Variants in CNTN4 observed in about 807,000 individuals in gnomAD.
CNTN4 encodes contactin-4.
Under a neutral mutation model 122.5 loss-of-function variants are expected in CNTN4, and 77 were observed. The ratio of observed to expected loss-of-function variants is 0.63; its 90% CI spans 0.52 to 0.76. The LOEUF is 0.76. Ranked by LOEUF, CNTN4 falls within the 30% of genes least tolerant of loss-of-function variation. CNTN4 has a pLI of 0.00. For synonymous variants in CNTN4, 512 were observed against 447.0 expected (o/e 1.15, Z -1.83); for missense variants, 1,256 against 1,259.1 (o/e 1.00, Z 0.04).
chr3:2,670,555 AG>A (rs199746643), intron 4 of CNTN4, among the ~76,000 whole-genome samples: 25,576 of 152,012 alleles, frequency 0.17, 2,531 homozygotes, highest in Admixed American at 0.32. Context: ...CCAATTTGCC[AG>A]TCTGTGTCTT....
chr3:2,705,852 T>TAA (rs2086684653), intron 4 of CNTN4, among the ~76,000 whole-genome samples: 2 of 92,606 alleles, frequency 2.2e-5, no homozygotes, highest in South Asian at 6.8e-4. Context: ...TAATATATAA[T>TAA]ATATGTGTTT....
At chr3:2,503,861 G>C (rs1166707838) in intron 3 of CNTN4, among the ~76,000 whole-genome samples, 1 of 152,012 alleles carries the variant, frequency 6.6e-6, no homozygotes, top group Non-Finnish European at 1.5e-5. Flanking sequence ...TGGGGGGTTG[G>C]GAGGACTCTG....
chr3:2,840,149 C>G (rs1453588177), intron 7 of CNTN4, among the ~76,000 whole-genome samples: 2 of 152,084 alleles, frequency 1.3e-5, no homozygotes, highest in African/African-American at 2.4e-5. Flanking sequence ...GTCCTTCCAG[C>G]CAGATTCAGC....
chr3:2,647,500 T>C (rs1484857745), intron 4 of CNTN4, among the ~76,000 whole-genome samples: 1 of 152,202 alleles, frequency 6.6e-6, no homozygotes, highest in Non-Finnish European at 1.5e-5. Flanking sequence ...TATACTTTTA[T>C]TTTCTCCCCT....
intron 3 of CNTN4, among the ~76,000 whole-genome samples, chr3:2,538,768 G>C (rs2077913299): frequency 6.6e-6 from 1 of 151,774 alleles, no homozygotes; most frequent in African/African-American, 2.4e-5. Context: ...CCTAATGGCA[G>C]TTATTTTTCT....
At chr3:3,045,496 G>T (rs910656438) in intron 23 of CNTN4, among the ~76,000 whole-genome samples, 1 of 152,204 alleles carries the variant, frequency 6.6e-6, no homozygotes, top group African/African-American at 2.4e-5. Flanking sequence ...TGCAGCCTCC[G>T]CTGCTGAAAC....
At chr3:2,440,979 A>G (rs1184684295) in intron 3 of CNTN4, among the ~76,000 whole-genome samples, 1 of 150,306 alleles carries the variant, frequency 6.7e-6, no homozygotes, top group Non-Finnish European at 1.5e-5. Flanking sequence ...CTATATACAT[A>G]TGTGTGTATA....
chr3:2,151,290 TAAGAGGC>T, intron 2 of CNTN4, among the ~76,000 whole-genome samples: 1 of 152,196 alleles, frequency 6.6e-6, no homozygotes, highest in East Asian at 1.9e-4. Context: ...AAAATGGGAC[TAAGAGGC>T]AAGAAGGGCG....
chr3:2,192,905 A>T (rs966526753), intron 2 of CNTN4, among the ~76,000 whole-genome samples: 2 of 152,050 alleles, frequency 1.3e-5, no homozygotes, highest in Non-Finnish European at 2.9e-5. Context: ...GAGAGTGTGT[A>T]TGTGTGTTTT....
At chr3:2,752,086 G>GT (rs1197227900) in intron 6 of CNTN4, among the ~76,000 whole-genome samples, 1 of 151,712 alleles carries the variant, frequency 6.6e-6, no homozygotes, top group Non-Finnish European at 1.5e-5. Context: ...CTGCTTCTGT[G>GT]TTTTTTTGTC....
At chr3:2,276,592 G>A (rs960374479) in intron 2 of CNTN4, among the ~76,000 whole-genome samples, 1 of 152,166 alleles carries the variant, frequency 6.6e-6, no homozygotes, top group Non-Finnish European at 1.5e-5. Flanking sequence ...TGCATTGCAA[G>A]TAGTTCTCAA....
At chr3:2,569,134 C>T (rs915058313) in intron 3 of CNTN4, among the ~76,000 whole-genome samples, 1 of 152,168 alleles carries the variant, frequency 6.6e-6, no homozygotes, top group Non-Finnish European at 1.5e-5. Flanking sequence ...GCCACATCAG[C>T]AGATCCGAAG....
At chr3:2,112,520 A>G (rs2033041186) in intron 2 of CNTN4, among the ~76,000 whole-genome samples, 1 of 152,148 alleles carries the variant, frequency 6.6e-6, no homozygotes, top group Non-Finnish European at 1.5e-5. Context: ...TTTACTTCCT[A>G]TGTGTTTTTA....
intron 2 of CNTN4, among the ~76,000 whole-genome samples, chr3:2,127,005 T>A (rs1460905522): frequency 6.6e-6 from 1 of 152,190 alleles, no homozygotes. Flanking sequence ...AGTTTGAGGA[T>A]CCAGTTTTCA....
chr3:2,223,936 G>A (rs752358085), intron 2 of CNTN4, among the ~76,000 whole-genome samples: 13 of 152,160 alleles, frequency 8.5e-5, no homozygotes, highest in Non-Finnish European at 1.6e-4. Context: ...TACACAAAGG[G>A]ATAGGAATTT....
intron 4 of CNTN4, among the ~76,000 whole-genome samples, chr3:2,624,718 G>A (rs1203598641): frequency 3.7e-5 from 5 of 135,274 alleles, no homozygotes; most frequent in South Asian, 2.6e-4. Flanking sequence ...TGCAACCTCC[G>A]CCTCCCGGGT....
chr3:2,859,456 T>C (rs1043758906), intron 7 of CNTN4, among the ~76,000 whole-genome samples: 1 of 152,168 alleles, frequency 6.6e-6, no homozygotes, highest in African/African-American at 2.4e-5. Flanking sequence ...CATCCACTTG[T>C]CAGTCTCAGT....
At chr3:2,520,978 C>G (rs2077191176) in intron 3 of CNTN4, among the ~76,000 whole-genome samples, 1 of 152,116 alleles carries the variant, frequency 6.6e-6, no homozygotes, top group East Asian at 1.9e-4. Flanking sequence ...AATTACTACC[C>G]TTACGAAAGT....
chr3:3,051,319 C>A (rs9842717), intron 23 of CNTN4, among the ~76,000 whole-genome samples: 5 of 152,146 alleles, frequency 3.3e-5, no homozygotes, highest in Non-Finnish European at 7.4e-5. Context: ...TCAGCTCAAG[C>A]AAGTGTTTGG....
Sources: gnomAD v4.1 joint callset for allele counts (sites outside exome capture counted in the v4.1 genomes callset) on GRCh38, gnomAD v4.1.1 for gene constraint, MANE v1.5 for transcripts, NCBI Gene and HGNC (gene_info 2026-07-23, HGNC 2026-07-21) for gene names.